ROR1: variants seen among roughly 807,000 people sequenced by gnomAD.
ROR1 encodes the protein ROR family WNT receptor 1, also known as inactive tyrosine-protein kinase transmembrane receptor ROR1.
Under a neutral mutation model 78.8 loss-of-function variants are expected in ROR1, and 19 were observed. The ratio of observed to expected loss-of-function variants is 0.24; its 90% CI spans 0.17 to 0.35. The LOEUF (loss-of-function observed/expected upper bound fraction) is 0.35, where lower values mean the gene tolerates loss of function less well. ROR1 is among the 10% of genes least tolerant of loss of function. ROR1 has a pLI of 1.00. For missense variants in ROR1, 917 were observed against 1,177.8 expected (o/e 0.78, Z 3.24); for synonymous variants, 386 against 433.6 (o/e 0.89, Z 1.36).
chr1:64,043,905 A>T (rs1045475535), intron 2 of ROR1, among the ~76,000 whole-genome samples: 2 of 152,244 alleles, frequency 1.3e-5, no homozygotes, highest in Non-Finnish European at 2.9e-5. Context: ...TAAGATGCTC[A>T]GAATAGTGCC....
At chr1:63,962,848 G>A (rs951692011) in intron 1 of ROR1, among the ~76,000 whole-genome samples, 5 of 152,172 alleles carry the variant, frequency 3.3e-5, no homozygotes, top group African/African-American at 9.7e-5. Flanking sequence ...GCAGGAGGCC[G>A]ACTGGTAACT....
chr1:63,957,274 C>A (rs1645991024), intron 1 of ROR1, among the ~76,000 whole-genome samples: 2 of 152,204 alleles, frequency 1.3e-5, no homozygotes, highest in Admixed American at 1.3e-4. Context: ...TAATTTCATG[C>A]AACTGCAGGA....
chr1:64,143,263 T>C, intron 7 of ROR1: 1 of 982,760 alleles, frequency 1.0e-6, no homozygotes, highest in Non-Finnish European at 1.2e-6. Flanking sequence ...CTTATACCTG[T>C]AATCCCAACA....
chr1:64,024,713 C>A (rs1428633898), intron 2 of ROR1, among the ~76,000 whole-genome samples: 2 of 152,140 alleles, frequency 1.3e-5, no homozygotes, highest in Non-Finnish European at 2.9e-5. Context: ...ATATTTACAT[C>A]CCTAGCAACA....
At chr1:64,127,481 C>CT (rs1490161385) in intron 4 of ROR1, among the ~76,000 whole-genome samples, 1 of 151,016 alleles carries the variant, frequency 6.6e-6, no homozygotes, top group Non-Finnish European at 1.5e-5. Flanking sequence ...TTCTCTGTCT[C>CT]CTCTCTCTGT....
intron 1 of ROR1, among the ~76,000 whole-genome samples, chr1:63,869,602 A>AT (rs894983321): frequency 1.3e-4 from 19 of 151,986 alleles, no homozygotes; most frequent in African/African-American, 4.1e-4. Flanking sequence ...CTCCATACAC[A>AT]TTTTTTCCCC....
At chr1:64,162,750 T>C (rs1342221408) in intron 8 of ROR1, among the ~76,000 whole-genome samples, 1 of 152,254 alleles carries the variant, frequency 6.6e-6, no homozygotes, top group African/African-American at 2.4e-5. Context: ...GGATTTTCTA[T>C]ATTGCATTAC....
At chr1:63,787,783 C>T (rs1644700942) in intron 1 of ROR1, among the ~76,000 whole-genome samples, 1 of 152,216 alleles carries the variant, frequency 6.6e-6, no homozygotes, top group Non-Finnish European at 1.5e-5. Context: ...ACCTTGGCCT[C>T]CTAAAATGTT....
chr1:64,108,362 A>G (rs1184538575), intron 4 of ROR1: 2 of 132,966 alleles, frequency 1.5e-5, no homozygotes, highest in Admixed American at 8.8e-5. Context: ...ACACCACTTT[A>G]CTCCAGCATG....
intron 1 of ROR1, among the ~76,000 whole-genome samples, chr1:63,877,463 G>A (rs546314381): frequency 6.6e-5 from 10 of 152,224 alleles, no homozygotes; most frequent in African/African-American, 2.4e-4. Context: ...GTAAGATCTG[G>A]CACTTGGCAA....
rs371018580 is a variant in ROR1, at chr1:64,178,709, A to G, written c.2668A>G (p.Ile890Val). ...ANIPLLPHMSIPNHPGGMGIT... is the reference protein window; with the variant it reads ...ANIPLLPHMSVPNHPGGMGIT... ...TATTCCTTTACTACCACACATGTCA[A>G]TTCCAAATCATCCTGGTGGAATGGG... Residue 890 changes from isoleucine to valine, a missense_variant, in exon 9 of 9, where the codon ATT becomes GTT. Transcript: ENST00000371079. The surrounding 1 kb of genome is among the most constrained non-coding windows in gnomAD (Gnocchi z 4.3). The G allele has an allele frequency of 1.2e-6, 2 of 1,614,056 alleles. No individual in the cohort carries two copies. Among genetic ancestry groups the G allele is most frequent in the Non-Finnish European group, 1.7e-6 (2 of 1,180,044 alleles).
intron 4 of ROR1, among the ~76,000 whole-genome samples, chr1:64,083,060 C>G (rs2100633946): frequency 6.6e-6 from 1 of 152,312 alleles, no homozygotes; most frequent in East Asian, 1.9e-4. Context: ...TCTCAAGAGT[C>G]TCCCTAATAG....
intron 1 of ROR1, among the ~76,000 whole-genome samples, chr1:63,827,574 A>G (rs1166173363): frequency 6.6e-6 from 1 of 152,144 alleles, no homozygotes; most frequent in African/African-American, 2.4e-5. Context: ...TGGCCTCAAC[A>G]CTTGCCAAGG....
At position 64,178,038 on chromosome 1, in the gene ROR1, A is replaced by G; in HGVS notation, c.1997A>G (p.Tyr666Cys). The G allele has an allele frequency of 1.2e-6, 2 of 1,614,174 alleles. No individual in the cohort carries two copies. Among genetic ancestry groups the G allele is most frequent in the Non-Finnish European group, 1.7e-6 (2 of 1,180,030 alleles). Residue 666 changes from tyrosine to cysteine, a missense_variant, in exon 9 of 9, where the codon TAT (tyrosine) becomes TGT (cysteine). Tyr to Cys is a radical substitution (Grantham distance 194). Coordinates refer to ENST00000371079, the MANE Select transcript of ROR1 (RefSeq NM_005012.4). The surrounding 1 kb of genome is among the most constrained non-coding windows in gnomAD (Gnocchi z 4.3). ...TGGATGCCCCCTGAAGCCATCATGT[A>G]TGGCAAATTCTCTTCTGATTCAGAT... Reference protein sequence around the residue: ...IRWMPPEAIMYGKFSSDSDIW... With the variant: ...IRWMPPEAIMCGKFSSDSDIW...
intron 4 of ROR1, among the ~76,000 whole-genome samples, chr1:64,074,515 A>G (rs767808875): frequency 3.3e-5 from 5 of 152,242 alleles, no homozygotes; most frequent in Non-Finnish European, 5.9e-5. Flanking sequence ...AACTCTGTGC[A>G]AGGCACAGAG....
chr1:63,912,576 CA>C (rs1645579755), intron 1 of ROR1, among the ~76,000 whole-genome samples: 1 of 152,116 alleles, frequency 6.6e-6, no homozygotes, highest in African/African-American at 2.4e-5. Context: ...TGCAAAAATA[CA>C]ATGGTATGAT....
intron 1 of ROR1, among the ~76,000 whole-genome samples, chr1:63,991,939 G>A (rs1379761409): frequency 6.6e-6 from 1 of 152,190 alleles, no homozygotes; most frequent in African/African-American, 2.4e-5. Context: ...TCAGTGTGGA[G>A]AACATAATGT....
intron 7 of ROR1, among the ~76,000 whole-genome samples, chr1:64,151,050 T>G (rs936112360): frequency 6.6e-5 from 10 of 152,240 alleles, no homozygotes; most frequent in Non-Finnish European, 1.2e-4. Context: ...ACAAACTGTT[T>G]TTTGGTTAAG....
Position 63,963,537 on chromosome 1 carries a change from C to G in ROR1, c.92-45768C>G, listed in dbSNP as rs538241205. Among the ~76,000 whole-genome samples, 23 of 151,596 alleles carry G rather than the reference C, an allele frequency of 1.5e-4. No homozygotes were observed. In the South Asian group the frequency reaches 4.8e-3, roughly 32 times the overall value. ...TGAGCCCATATCCTGCCAATGCACT[C>G]CAGCCTGGGTGACAGAGCAAGACTC... is the stretch of plus-strand genomic sequence containing the variant. On this transcript the variant is annotated intron_variant, in intron 1 of 8. Coordinates refer to ENST00000371079, the MANE Select transcript of ROR1 (RefSeq NM_005012.4).
Sources: gnomAD v4.1 joint callset for allele counts (sites outside exome capture counted in the v4.1 genomes callset) on GRCh38, gnomAD v4.1.1 for gene constraint, Gnocchi (gnomAD v3.1) non-coding constraint, MANE v1.5 for transcripts, NCBI Gene and HGNC (gene_info 2026-07-23, HGNC 2026-07-21) for gene names.